Variants in SLIT3 observed in about 807,000 individuals in gnomAD.
The protein encoded by SLIT3 is slit guidance ligand 3.
A neutral mutation model predicts 184.0 loss-of-function variants in SLIT3; 68 were observed. The ratio of observed to expected loss-of-function variants is 0.37; its 90% CI spans 0.30 to 0.45. The LOEUF (loss-of-function observed/expected upper bound fraction) is 0.45. Among genes scored for constraint, SLIT3 ranks in the 20% least tolerant of loss-of-function variants. The pLI, the probability that SLIT3 is intolerant of heterozygous loss-of-function variation, is 1.00. For missense variants in SLIT3, 1,707 were observed against 2,026.0 expected (o/e 0.84, Z 3.02); for synonymous variants, 831 against 828.6 (o/e 1.00, Z -0.05).
At chr5:168,901,362 T>TCAAAACAAAA (rs142953631) in intron 4 of SLIT3, among the ~76,000 whole-genome samples, 15,756 of 148,780 alleles carry the variant, frequency 0.11, 1,041 homozygotes, top group Admixed American at 0.14. Flanking sequence ...AGACTCCGTC[T>TCAAAACAAAA]CAAAACAAAA....
intron 4 of SLIT3, among the ~76,000 whole-genome samples, chr5:168,935,367 G>A (rs2113182687): frequency 6.6e-6 from 1 of 152,158 alleles, no homozygotes; most frequent in South Asian, 2.1e-4. Flanking sequence ...CCCCCTCCAG[G>A]AAGCCTTCCC....
intron 4 of SLIT3, among the ~76,000 whole-genome samples, chr5:168,898,409 T>G (rs1247165123): frequency 6.6e-6 from 1 of 151,864 alleles, no homozygotes; most frequent in Non-Finnish European, 1.5e-5. Context: ...TTTTTTTTTT[T>G]TTTTAAAGAT....
chr5:169,055,134 T>C (rs1757950640), intron 4 of SLIT3, among the ~76,000 whole-genome samples: 3 of 152,118 alleles, frequency 2.0e-5, no homozygotes, highest in South Asian at 4.2e-4. Flanking sequence ...CCATCAGTTT[T>C]GGGGAAGAAA....
chr5:168,905,716 C>A (rs1305629754), intron 4 of SLIT3, among the ~76,000 whole-genome samples: 2 of 152,188 alleles, frequency 1.3e-5, no homozygotes, highest in Non-Finnish European at 2.9e-5. Context: ...TGTCTGTCTG[C>A]CTCCAGAAAC....
intron 3 of SLIT3, among the ~76,000 whole-genome samples, chr5:169,228,071 T>C (rs537892243): frequency 7.9e-5 from 12 of 152,228 alleles, no homozygotes; most frequent in Non-Finnish European, 1.6e-4. Flanking sequence ...ATGATGGCCC[T>C]ACTGAATCAA....
At chr5:169,017,091 T>C (rs1756412157) in intron 4 of SLIT3, among the ~76,000 whole-genome samples, 1 of 152,252 alleles carries the variant, frequency 6.6e-6, no homozygotes, top group Admixed American at 6.5e-5. Context: ...CTCAAGTAAC[T>C]CAGCACTTTG....
At position 168,859,952 on chromosome 5, in the gene SLIT3, C is replaced by A. The variant is rs186699114; in HGVS notation, c.486-15297G>T. ...TTCTTGGGAAACATTCACCTACTTA[C>A]TTATCTATGATCCTACCTTCCTCTT... On this transcript the variant is annotated intron_variant, in intron 5 of 35. Transcript: ENST00000519560. 1.3e-3 allele frequency among the ~76,000 whole-genome samples: 194 copies of A among 151,880 alleles called. 1 individual carries two copies. Among genetic ancestry groups the A allele is most frequent in the Non-Finnish European group, 2.5e-4 (17 of 67,910 alleles).
At chr5:168,750,555 G>A (rs1481900129) in intron 18 of SLIT3, among the ~76,000 whole-genome samples, 1 of 152,150 alleles carries the variant, frequency 6.6e-6, no homozygotes, top group African/African-American at 2.4e-5. Flanking sequence ...TGTGAAGCGG[G>A]GCAAGTTACT....
chr5:168,841,731 G>A (rs1758260140), intron 6 of SLIT3, among the ~76,000 whole-genome samples: 1 of 152,160 alleles, frequency 6.6e-6, no homozygotes, highest in Non-Finnish European at 1.5e-5. Context: ...TGGAATAACA[G>A]GGTTATTGCA....
intron 4 of SLIT3, among the ~76,000 whole-genome samples, chr5:169,079,580 AG>A (rs1758894000): frequency 1.4e-5 from 1 of 71,718 alleles, no homozygotes; most frequent in African/African-American, 5.7e-5. Flanking sequence ...GGAGGAGGAG[AG>A]AAGGGGAGGA....
At chr5:169,253,922 A>T (rs1333696868) in intron 1 of SLIT3, among the ~76,000 whole-genome samples, 1 of 151,982 alleles carries the variant, frequency 6.6e-6, no homozygotes, top group Non-Finnish European at 1.5e-5. Flanking sequence ...TGTGACCTCT[A>T]TTTCCTTAGT....
Position 169,098,331 on chromosome 5 carries a change from C to T in SLIT3, c.413+95148G>A, listed in dbSNP as rs1245333131. The stretch of plus-strand genomic sequence containing the variant: ...TGTGTGTATACACACAGTATACATG[C>T]AACCGATAACTATGCACAATCATAA... On this transcript the variant is annotated intron_variant, in intron 4 of 35. Coordinates refer to ENST00000519560, the MANE Select transcript of SLIT3 (RefSeq NM_003062.4). Among the ~76,000 whole-genome samples the T allele has an allele frequency of 4.6e-5, 7 of 152,312 alleles. 1 individual carries two copies. In the Middle Eastern group the frequency reaches 0.02, roughly 444 times the overall value.
intron 3 of SLIT3, among the ~76,000 whole-genome samples, chr5:169,234,573 T>A (rs749548895): frequency 1.3e-5 from 2 of 152,136 alleles, no homozygotes; most frequent in Non-Finnish European, 2.9e-5. Context: ...CTGGCTAATT[T>A]TTTTTTTATT....
chr5:168,827,806 C>A (rs1043286472), intron 6 of SLIT3, among the ~76,000 whole-genome samples: 54 of 152,194 alleles, frequency 3.5e-4, no homozygotes, highest in African/African-American at 1.3e-3. Flanking sequence ...GGTTGGCAAA[C>A]AACTGCCCAC....
At chr5:168,795,340 C>T (rs1286325257) in intron 10 of SLIT3, among the ~76,000 whole-genome samples, 167 bp downstream of exon 10, 1 of 152,216 alleles carries the variant, frequency 6.6e-6, no homozygotes, top group East Asian at 1.9e-4. Context: ...TCAGGCAACA[C>T]TTCCACATCT....
At chr5:168,854,702 A>C (rs1452173363) in intron 5 of SLIT3, among the ~76,000 whole-genome samples, 1 of 152,264 alleles carries the variant, frequency 6.6e-6, no homozygotes, top group Non-Finnish European at 1.5e-5. Flanking sequence ...CCTTCCCCAG[A>C]GGTGACAAGG....
chr5:169,079,309 T>A (rs530150688), intron 4 of SLIT3, among the ~76,000 whole-genome samples: 3 of 152,222 alleles, frequency 2.0e-5, no homozygotes, highest in Admixed American at 1.3e-4. Context: ...TCTCTTTTGT[T>A]TTCAGATCTT....
chr5:168,922,117 G>A (rs1562007688), intron 4 of SLIT3, among the ~76,000 whole-genome samples: 1 of 152,266 alleles, frequency 6.6e-6, no homozygotes, highest in African/African-American at 2.4e-5. Context: ...GTAAGTCAAG[G>A]AGCAAGGTTT....
chr5:168,713,388 C>T (rs888281514), intron 23 of SLIT3, among the ~76,000 whole-genome samples: 3 of 152,160 alleles, frequency 2.0e-5, no homozygotes, highest in South Asian at 2.1e-4. Context: ...AACACTGCTC[C>T]GTGCTCAAGT....
Sources: gnomAD v4.1 joint callset for allele counts (sites outside exome capture counted in the v4.1 genomes callset) on GRCh38, gnomAD v4.1.1 for gene constraint, MANE v1.5 for transcripts, NCBI Gene and HGNC (gene_info 2026-07-23, HGNC 2026-07-21) for gene names.